The following PTPRD variants were observed in gnomAD, a reference collection of about 807,000 sequenced individuals.
The protein encoded by PTPRD is protein tyrosine phosphatase receptor type D, also known as receptor-type tyrosine-protein phosphatase delta.
Under a neutral mutation model 214.5 loss-of-function variants are expected in PTPRD, and 34 were observed. The ratio of observed to expected loss-of-function variants is 0.16; its 90% CI spans 0.12 to 0.21. PTPRD has a LOEUF of 0.21. Ranked by LOEUF, PTPRD falls within the 10% of genes least tolerant of loss-of-function variation. The probability of loss-of-function intolerance (pLI) is 1.00; values close to 1 mark genes in which losing one functional copy is unlikely to be tolerated. For synonymous variants in PTPRD, 1,128 were observed against 845.7 expected, an observed-to-expected ratio of 1.33 and a Z score of -5.79; for missense variants, 2,545 against 2,398.7, an observed-to-expected ratio of 1.06 and a Z score of -1.27.
At chr9:10,027,813 T>G (rs2096957800) in intron 4 of PTPRD, among the ~76,000 whole-genome samples, 1 of 152,222 alleles carries the variant, frequency 6.6e-6, no homozygotes, top group African/African-American at 2.4e-5. Context: ...AACTAAATGG[T>G]AAAATATAAC....
chr9:9,290,836 G>T (rs1229760053), intron 9 of PTPRD, among the ~76,000 whole-genome samples: 1 of 151,420 alleles, frequency 6.6e-6, no homozygotes, highest in East Asian at 2.0e-4. Context: ...AGGTAATCAA[G>T]AAATATATAT....
At chr9:8,835,631 G>C (rs1160479707) in intron 11 of PTPRD, among the ~76,000 whole-genome samples, 1 of 152,194 alleles carries the variant, frequency 6.6e-6, no homozygotes, top group Non-Finnish European at 1.5e-5. Context: ...CCAGGCTCAA[G>C]TGATCCTCCC....
chr9:8,491,497 G>C (rs1484931739), intron 27 of PTPRD, among the ~76,000 whole-genome samples: 4 of 151,976 alleles, frequency 2.6e-5, no homozygotes, highest in Non-Finnish European at 5.9e-5. Context: ...TATAAGTGTA[G>C]GTAAATAAAA....
At chr9:9,156,032 G>C (rs1360348489) in intron 10 of PTPRD, among the ~76,000 whole-genome samples, 2 of 152,026 alleles carry the variant, frequency 1.3e-5, no homozygotes, top group African/African-American at 2.4e-5. Context: ...AAATCAATGA[G>C]GGTTATGCTT....
intron 14 of PTPRD, among the ~76,000 whole-genome samples, chr9:8,537,498 T>C (rs562083501): frequency 2.0e-4 from 31 of 152,192 alleles, no homozygotes; most frequent in African/African-American, 7.2e-4. Flanking sequence ...CTTGTCTTAA[T>C]ATGGCTATAA....
At chr9:10,158,099 C>T (rs2154286004) in intron 3 of PTPRD, among the ~76,000 whole-genome samples, 1 of 152,236 alleles carries the variant, frequency 6.6e-6, no homozygotes, top group East Asian at 1.9e-4. Context: ...ACCTCCTCCT[C>T]CTGAGTTCAA....
At chr9:9,351,623 T>C (rs981320718) in intron 9 of PTPRD, among the ~76,000 whole-genome samples, 9 of 151,956 alleles carry the variant, frequency 5.9e-5, no homozygotes, top group African/African-American at 2.2e-4. Flanking sequence ...CAAGAAGCCT[T>C]GGAAAGATAC....
intron 2 of PTPRD, among the ~76,000 whole-genome samples, chr9:10,388,100 A>C (rs2097960835): frequency 6.6e-6 from 1 of 151,812 alleles, no homozygotes; most frequent in Non-Finnish European, 1.5e-5. Flanking sequence ...AAACATGATA[A>C]ATACCATTTC....
chr9:8,356,698 G>A (rs1359848815), intron 39 of PTPRD, among the ~76,000 whole-genome samples: 1 of 152,112 alleles, frequency 6.6e-6, no homozygotes, highest in Non-Finnish European at 1.5e-5. Context: ...TGTTCTGATA[G>A]AACTTAATTG....
chr9:9,214,317 A>C (rs2133026893), intron 9 of PTPRD, among the ~76,000 whole-genome samples: 1 of 152,336 alleles, frequency 6.6e-6, no homozygotes, highest in Admixed American at 6.5e-5. Context: ...TTGGCTTCTA[A>C]TAGCAAATGC....
intron 11 of PTPRD, among the ~76,000 whole-genome samples, chr9:8,950,313 C>T (rs1165009651): frequency 1.3e-5 from 2 of 152,022 alleles, no homozygotes; most frequent in East Asian, 3.9e-4. Flanking sequence ...AATGCAAGGG[C>T]AAAATTTTAA....
chr9:9,337,105 A>G (rs1379810768), intron 9 of PTPRD, among the ~76,000 whole-genome samples: 1 of 152,136 alleles, frequency 6.6e-6, no homozygotes, highest in Non-Finnish European at 1.5e-5. Flanking sequence ...CTTTCCCAAC[A>G]TTTCTTTCCC....
intron 9 of PTPRD, among the ~76,000 whole-genome samples, chr9:9,215,742 T>C (rs1416727775): frequency 6.6e-6 from 1 of 152,198 alleles, no homozygotes; most frequent in Non-Finnish European, 1.5e-5. Context: ...CATGACTTTC[T>C]TCATTCCATC....
intron 11 of PTPRD, among the ~76,000 whole-genome samples, chr9:8,826,627 A>T: frequency 9.2e-6 from 1 of 108,776 alleles, no homozygotes; most frequent in Non-Finnish European, 1.8e-5. Flanking sequence ...GACTGCAGGC[A>T]CCATCTTTTT....
At chr9:9,256,033 A>T (rs2099977557) in intron 9 of PTPRD, among the ~76,000 whole-genome samples, 1 of 152,058 alleles carries the variant, frequency 6.6e-6, no homozygotes, top group South Asian at 2.1e-4. Flanking sequence ...GCATAACTTT[A>T]TTGAACTTTA....
chr9:9,563,072 G>T (rs1000188993), intron 8 of PTPRD, among the ~76,000 whole-genome samples: 9 of 152,104 alleles, frequency 5.9e-5, no homozygotes, highest in Admixed American at 4.6e-4. Context: ...TTAGCTAATT[G>T]TATGGTTATA....
intron 3 of PTPRD, among the ~76,000 whole-genome samples, chr9:10,227,653 T>C (rs2099593345): frequency 6.6e-6 from 1 of 151,988 alleles, no homozygotes; most frequent in South Asian, 2.1e-4. Flanking sequence ...TTGTTTATAA[T>C]GTTCTGTTAC....
chr9:9,719,843 C>G (rs976445556), intron 7 of PTPRD, among the ~76,000 whole-genome samples: 2 of 152,222 alleles, frequency 1.3e-5, no homozygotes, highest in Non-Finnish European at 2.9e-5. Flanking sequence ...CAGTAGAAGC[C>G]TCTTGCAGTA....
At chr9:10,223,574 G>C (rs539394551) in intron 3 of PTPRD, among the ~76,000 whole-genome samples, 15 of 151,684 alleles carry the variant, frequency 9.9e-5, no homozygotes, top group Middle Eastern at 3.4e-3. Flanking sequence ...TGAGGTGAGA[G>C]AATTGTTTGA....
Sources: allele counts gnomAD v4.1 joint callset (sites outside exome capture counted in the v4.1 genomes callset), GRCh38; gene constraint gnomAD v4.1.1; transcripts MANE v1.5; gene names NCBI Gene and HGNC (gene_info 2026-07-23, HGNC 2026-07-21).